The following TAFA1 variants were observed in gnomAD, a reference collection of about 807,000 sequenced individuals.
TAFA1 encodes the protein TAFA chemokine like family member 1.
Under a neutral mutation model 18.5 loss-of-function variants are expected in TAFA1, and 4 were observed. The observed-to-expected ratio is 0.22, with a 90% CI of 0.11 to 0.49. The LOEUF (loss-of-function observed/expected upper bound fraction) is 0.49. Among genes scored for constraint, TAFA1 ranks in the 20% least tolerant of loss-of-function variants. The pLI is 0.98. For synonymous variants in TAFA1, 56 were observed against 55.2 expected (o/e 1.01, Z -0.06); for missense variants, 147 against 169.0 (o/e 0.87, Z 0.72).
chr3:68,282,512 GC>G (rs1309600575), intron 2 of TAFA1, among the ~76,000 whole-genome samples: 1 of 152,062 alleles, frequency 6.6e-6, no homozygotes, highest in African/African-American at 2.4e-5. Flanking sequence ...GGTTCCCCAG[GC>G]AATGTCATTT....
intron 2 of TAFA1, 80 bp downstream of exon 2, chr3:68,006,824 A>G: frequency 9.7e-7 from 1 of 1,027,150 alleles, no homozygotes; most frequent in Non-Finnish European, 1.5e-6. Context: ...TGCAAGTGAC[A>G]TAAAGTGCTA....
intron 3 of TAFA1, among the ~76,000 whole-genome samples, chr3:68,420,107 G>A (rs1165662939): frequency 6.6e-6 from 1 of 152,114 alleles, no homozygotes; most frequent in Non-Finnish European, 1.5e-5. Flanking sequence ...ATTTGACTCA[G>A]TTTCTGTGTC....
At chr3:68,156,028 C>T (rs1398310168) in intron 2 of TAFA1, among the ~76,000 whole-genome samples, 2 of 152,072 alleles carry the variant, frequency 1.3e-5, no homozygotes, top group East Asian at 3.9e-4. Flanking sequence ...GTGGTCCAAA[C>T]CCCAGGGTCA....
intron 2 of TAFA1, among the ~76,000 whole-genome samples, chr3:68,150,125 C>A (rs893208746): frequency 2.6e-5 from 4 of 152,144 alleles, no homozygotes; most frequent in African/African-American, 9.7e-5. Context: ...GCTACAGATA[C>A]CTGTAATTTG....
chr3:68,037,631 C>T lies in TAFA1; in HGVS notation c.118+30887C>T, dbSNP rs1036866407. On this transcript the variant is annotated intron_variant, in intron 2 of 4. Coordinates refer to ENST00000478136, the MANE Select transcript of TAFA1 (RefSeq NM_213609.4). ...ACTTTCAGTTTTAGTGGAAAAAAAT[C>T]AGCCTATAAATATTTTAATCTTTTC... Among the ~76,000 whole-genome samples, 64 of 152,038 alleles carry T rather than the reference C, an allele frequency of 4.2e-4. 1 individual carries two copies. The highest frequency in any genetic ancestry group is 7.4e-5 in the Non-Finnish European group (5 of 68,008).
At position 68,499,684 on chromosome 3, in the gene TAFA1, A is replaced by G. The variant is rs143112316; in HGVS notation, c.260-39072A>G. Among the ~76,000 whole-genome samples the G allele has an allele frequency of 2.6e-3, 388 of 151,616 alleles. 4 individuals carry two copies. The highest frequency in any genetic ancestry group is 8.3e-3 in the African/African-American group (345 of 41,480). ...GTAGAACTAAGGTATTATTTGATAA[A>G]ACCCCATTAGTTTTATAGTAGCAGA... On this transcript the variant is annotated intron_variant, in intron 3 of 4. Transcript: ENST00000478136.
chr3:68,148,505 C>A (rs1423175130), intron 2 of TAFA1, among the ~76,000 whole-genome samples: 1 of 152,150 alleles, frequency 6.6e-6, no homozygotes, highest in Admixed American at 6.5e-5. Flanking sequence ...CAGTTCACAC[C>A]AGGCCCTTGA....
intron 2 of TAFA1, among the ~76,000 whole-genome samples, chr3:68,225,595 A>G (rs2066789153): frequency 6.6e-6 from 1 of 152,074 alleles, no homozygotes; most frequent in South Asian, 2.1e-4. Context: ...AGCACTTACT[A>G]TGTGCCAGGC....
intron 2 of TAFA1, among the ~76,000 whole-genome samples, chr3:68,415,474 T>C (rs1575846909): frequency 6.6e-6 from 1 of 152,140 alleles, no homozygotes; most frequent in East Asian, 1.9e-4. Flanking sequence ...ACTGGCAAAA[T>C]CATTTGTGTT....
intron 3 of TAFA1, among the ~76,000 whole-genome samples, chr3:68,529,436 TAAA>T (rs533214097): frequency 0.22 from 16,893 of 75,116 alleles, 610 homozygotes; most frequent in Non-Finnish European, 0.28. Flanking sequence ...CACCATTCTC[TAAA>T]AAAAAAAAAA....
At chr3:68,147,704 G>A (rs2065759225) in intron 2 of TAFA1, among the ~76,000 whole-genome samples, 1 of 151,174 alleles carries the variant, frequency 6.6e-6, no homozygotes, top group Admixed American at 6.6e-5. Flanking sequence ...CATTTTTTTT[G>A]TAGCTCTATT....
rs931710640 is a variant in TAFA1 at position 68,521,355 on chromosome 3, A to G, written c.260-17401A>G. On this transcript the variant is annotated intron_variant, in intron 3 of 4. Transcript: ENST00000478136. ...TCCGCTGCTGGAGTGGGAAGTATCA[A>G]GGGAGAAGGAGTTGGGAATGGCTTT... 2.0e-5 allele frequency among the ~76,000 whole-genome samples: 3 copies of G among 152,234 alleles called. No homozygotes were observed. In the East Asian group the frequency reaches 5.8e-4, roughly 29 times the overall value.
intron 3 of TAFA1, among the ~76,000 whole-genome samples, chr3:68,477,632 T>A (rs756091145): frequency 1.8e-4 from 27 of 152,136 alleles, no homozygotes; most frequent in Non-Finnish European, 3.7e-4. Context: ...CTGCCCACCT[T>A]AGCCTCCCAA....
chr3:68,048,627 G>A (rs1011180225), intron 2 of TAFA1, among the ~76,000 whole-genome samples: 5 of 151,726 alleles, frequency 3.3e-5, no homozygotes, highest in South Asian at 4.2e-4. Flanking sequence ...CCCAGCCTCC[G>A]GTAATCATCA....
At chr3:68,181,134 A>G (rs74932462) in intron 2 of TAFA1, among the ~76,000 whole-genome samples, 1 of 152,122 alleles carries the variant, frequency 6.6e-6, no homozygotes, top group Non-Finnish European at 1.5e-5. Context: ...GAGTGAGTAG[A>G]TCCTTCTCCA....
chr3:68,464,063 T>A (rs2071835728), intron 3 of TAFA1, among the ~76,000 whole-genome samples: 1 of 152,180 alleles, frequency 6.6e-6, no homozygotes, highest in Non-Finnish European at 1.5e-5. Flanking sequence ...ATTTCATTTT[T>A]ATAGACAAAG....
intron 2 of TAFA1, 145 bp from the exon 3 acceptor site, chr3:68,417,135 A>T (rs2070854745): frequency 1.6e-6 from 1 of 643,496 alleles, no homozygotes. Flanking sequence ...ACGTAGTAGA[A>T]GAGAGTCCTG....
In TAFA1 at chr3:68,163,317, A is replaced by C. The variant is rs139716228; in HGVS notation, c.118+156573A>C. On this transcript the variant is annotated intron_variant, in intron 2 of 4. Transcript: ENST00000478136. ...AGTTAGCCAACATTATTTCCCTATAAGATATGCAATGTCCTTGCTGTATTA... is the reference window on the plus strand; with the variant it reads ...AGTTAGCCAACATTATTTCCCTATACGATATGCAATGTCCTTGCTGTATTA... 8.3e-3 allele frequency among the ~76,000 whole-genome samples: 1,263 copies of C among 152,296 alleles called. 16 individuals carry two copies. Among genetic ancestry groups the C allele is most frequent in the Non-Finnish European group, 0.013 (863 of 68,024 alleles).
At chr3:68,387,145 A>G (rs1218734215) in intron 2 of TAFA1, among the ~76,000 whole-genome samples, 1 of 152,070 alleles carries the variant, frequency 6.6e-6, no homozygotes, top group East Asian at 1.9e-4. Flanking sequence ...CAAATCTCAA[A>G]TCTACAGCTT....
Sources: gnomAD v4.1 joint callset for allele counts (sites outside exome capture counted in the v4.1 genomes callset) on GRCh38, gnomAD v4.1.1 for gene constraint, MANE v1.5 for transcripts, NCBI Gene and HGNC (gene_info 2026-07-23, HGNC 2026-07-21) for gene names.